DIP2C: variants seen among roughly 807,000 people sequenced by gnomAD.
DIP2C encodes disco-interacting protein 2 homolog C.
A neutral mutation model predicts 192.4 loss-of-function variants in DIP2C; 33 were observed. That is an observed-to-expected ratio of 0.17 (90% confidence interval 0.13 to 0.23). DIP2C has a LOEUF of 0.23. DIP2C is among the 10% of genes least tolerant of loss of function. DIP2C has a pLI of 1.00. For synonymous variants in DIP2C, 979 were observed against 864.1 expected, an observed-to-expected ratio of 1.13 and a Z score of -2.33; for missense variants, 1,537 against 2,110.1, an observed-to-expected ratio of 0.73 and a Z score of 5.32.
At chr10:375,996 T>C (rs1375094728) in intron 17 of DIP2C, among the ~76,000 whole-genome samples, 1 of 152,190 alleles carries the variant, frequency 6.6e-6, no homozygotes, top group African/African-American at 2.4e-5. Flanking sequence ...TACACAGCAT[T>C]TCTATGCAAC....
chr10:480,778 C>A (rs1211847647), intron 2 of DIP2C, among the ~76,000 whole-genome samples: 1 of 152,218 alleles, frequency 6.6e-6, no homozygotes, highest in East Asian at 1.9e-4. Flanking sequence ...TGTGGCAGAA[C>A]ACGTCTCCGG....
At chr10:469,076 TA>T (rs1234245349) in intron 3 of DIP2C, among the ~76,000 whole-genome samples, 2 of 151,976 alleles carry the variant, frequency 1.3e-5, no homozygotes, top group African/African-American at 4.8e-5. Flanking sequence ...TGCAGGTGCA[TA>T]ACTAGGACAT....
chr10:447,983 G>C (rs551639929), intron 3 of DIP2C, among the ~76,000 whole-genome samples: 1 of 120,884 alleles, frequency 8.3e-6, no homozygotes, highest in East Asian at 2.6e-4. Flanking sequence ...TGATATTCAG[G>C]ATCACACACA....
At chr10:627,658 G>A (rs773748615) in intron 1 of DIP2C, among the ~76,000 whole-genome samples, 1 of 152,374 alleles carries the variant, frequency 6.6e-6, no homozygotes, top group East Asian at 1.9e-4. Context: ...TCCGGGAGGT[G>A]TAAGGGAAAC....
chr10:662,476 T>C (rs1038788545), intron 1 of DIP2C, among the ~76,000 whole-genome samples: 1 of 152,214 alleles, frequency 6.6e-6, no homozygotes, highest in South Asian at 2.1e-4. Flanking sequence ...CCCCCACAGC[T>C]GGGCCCCGCG....
intron 2 of DIP2C, among the ~76,000 whole-genome samples, chr10:480,742 C>T (rs150864025): frequency 1.1e-3 from 168 of 152,320 alleles, no homozygotes; most frequent in Non-Finnish European, 2.0e-3. Context: ...AGGAAATAAA[C>T]GTACGGGATC....
intron 1 of DIP2C, among the ~76,000 whole-genome samples, chr10:628,013 A>G (rs1327559075): frequency 6.6e-6 from 1 of 152,230 alleles, no homozygotes. Flanking sequence ...GTCTTTAAAT[A>G]TCAACACTCT....
At chr10:557,251 A>T (rs991953705) in intron 1 of DIP2C, among the ~76,000 whole-genome samples, 1 of 152,216 alleles carries the variant, frequency 6.6e-6, no homozygotes, top group African/African-American at 2.4e-5. Context: ...AGCATCCTGG[A>T]GCAGAACCTC....
chr10:369,312 G>A (rs1318134576), intron 18 of DIP2C, among the ~76,000 whole-genome samples, 182 bp downstream of exon 18: 1 of 152,236 alleles, frequency 6.6e-6, no homozygotes, highest in African/African-American at 2.4e-5. Context: ...CGTCTACCAG[G>A]AGAGGGAACA....
chr10:529,657 C>A (rs997011939), intron 1 of DIP2C, among the ~76,000 whole-genome samples: 2 of 152,182 alleles, frequency 1.3e-5, no homozygotes, highest in South Asian at 4.1e-4. Context: ...CACCTGGCTC[C>A]GTTGCATCTT....
chr10:559,967 T>TC (rs371315282), intron 1 of DIP2C, among the ~76,000 whole-genome samples: 68 of 138,144 alleles, frequency 4.9e-4, no homozygotes, highest in Non-Finnish European at 6.7e-4. Context: ...TTCTCACCTC[T>TC]CCCCCCCACT....
In DIP2C at chr10:416,037, G is replaced by A. The variant is rs1965610734; in HGVS notation, c.740-149C>T. ...CCTGGGAAGGGCCCGAGGTGATCAT[G>A]CTGTACGGTAGCCCCGTGGCTAGGC... On this transcript the variant is annotated intron_variant, in intron 6 of 36. Transcript: ENST00000280886. The A allele has an allele frequency of 1.3e-5, 16 of 1,210,726 alleles. No individual in the cohort carries two copies. The South Asian group carries it at 1.9e-4, about 15-fold the overall frequency. 75.0% of individuals were successfully genotyped at this position (1,210,726 alleles called of 1,614,324 possible).
chr10:293,953 A>T lies in DIP2C; in HGVS notation c.3987-5532T>A, dbSNP rs531242433. On this transcript the variant is annotated intron_variant, in intron 32 of 36. Coordinates refer to ENST00000280886, the MANE Select transcript of DIP2C (RefSeq NM_014974.3). ...GAAACAGATACCAATCACCCAAAAA[A>T]TGAGCAACGAGAGAAAACAGAGGAA... is the stretch of plus-strand genomic sequence containing the variant. Among the ~76,000 whole-genome samples, 30 of 152,370 alleles carry T rather than the reference A, an allele frequency of 2.0e-4. No homozygotes were observed. The South Asian group carries it at 5.8e-3, about 29-fold the overall frequency.
chr10:323,742 A>G (rs902791312), intron 31 of DIP2C, among the ~76,000 whole-genome samples: 2 of 152,204 alleles, frequency 1.3e-5, no homozygotes, highest in African/African-American at 4.8e-5. Flanking sequence ...ATAAAGAAAA[A>G]TAAATTCAAT....
At chr10:663,611 A>G (rs1856894076) in intron 1 of DIP2C, 1 of 152,280 alleles carries the variant, frequency 6.6e-6, no homozygotes, top group African/African-American at 2.4e-5. Context: ...TGTCTGAGAA[A>G]TAAAGTTGTA....
intron 11 of DIP2C, 64 bp downstream of exon 11, chr10:390,676 T>C (rs1391940852): frequency 7.0e-6 from 11 of 1,572,352 alleles, no homozygotes; most frequent in Non-Finnish European, 9.5e-6. Flanking sequence ...GGGTGACGTA[T>C]TCCCGCACCC....
intron 1 of DIP2C, among the ~76,000 whole-genome samples, chr10:540,435 G>A (rs1173580626): frequency 6.6e-6 from 1 of 152,214 alleles, no homozygotes; most frequent in East Asian, 1.9e-4. Context: ...CCTTTACACT[G>A]GGAACCAGAG....
intron 9 of DIP2C, 138 bp from the exon 10 acceptor site, chr10:399,357 G>A: frequency 3.1e-6 from 2 of 638,074 alleles, no homozygotes; most frequent in Non-Finnish European, 5.6e-6. Context: ...TCAGTAAGCT[G>A]TGTTTTAATA....
Position 689,504 on chromosome 10 carries a change from C to A in DIP2C, c.75G>T (p.Glu25Asp). The change falls in exon 1 of 37, where the codon GAG becomes GAT. Residue 25 changes from glutamate (E) to aspartate (D), a missense_variant. Around this residue, in one of 4 missense-constraint regions of DIP2C, gnomAD observed 473 missense variants for 539.6 expected, o/e 0.88. Coordinates refer to ENST00000280886, the MANE Select transcript of DIP2C (RefSeq NM_014974.3). This position sits in a 1 kb window ranked among gnomAD's most constrained non-coding sequence, Gnocchi z 6.1. ...VRARLAELEL[E>D]LSEGDITQKG... ...CGGGGGCCCGGTTACCTTCCGACAG[C>A]TCCAGCTCCAGCTCGGCCAGGCGCG... 1 of 1,275,602 alleles carries A rather than the reference C, an allele frequency of 7.8e-7. No homozygotes were observed. 79.0% of individuals were successfully genotyped at this position (1,275,602 alleles called of 1,614,324 possible). A position where few individuals can be genotyped will look rare whatever the true frequency, so the allele number is the denominator to read the frequency against.
Sources: gnomAD v4.1 joint callset for allele counts (sites outside exome capture counted in the v4.1 genomes callset) on GRCh38, gnomAD v4.1.1 for gene constraint, gnomAD v4.1.1 regional missense constraint, Gnocchi (gnomAD v3.1) non-coding constraint, MANE v1.5 for transcripts, NCBI Gene and HGNC (gene_info 2026-07-23, HGNC 2026-07-21) for gene names.